CIB2: variants seen among roughly 807,000 people sequenced by gnomAD.
CIB2 encodes the protein calcium and integrin-binding family member 2.
CIB2 carries 19 observed loss-of-function variants against 23.1 expected under a neutral mutation model. The ratio of observed to expected loss-of-function variants is 0.82; its 90% CI spans 0.57 to 1.21. The LOEUF is 1.21. CIB2 is among the 50% of genes most tolerant of loss of function. The pLI is 0.00. For missense variants in CIB2, 220 were observed against 241.5 expected (o/e 0.91, Z 0.59); for synonymous variants, 94 against 91.7 (o/e 1.03, Z -0.14).
At chr15:78,122,804 A>G (rs1233518495) in intron 2 of CIB2, among the ~76,000 whole-genome samples, 1 of 152,198 alleles carries the variant, frequency 6.6e-6, no homozygotes, top group African/African-American at 2.4e-5. Context: ...GACAGGTTGG[A>G]ATAGCAGCCT....
At chr15:78,114,413 C>G (rs2074208158) in intron 2 of CIB2, among the ~76,000 whole-genome samples, 1 of 152,132 alleles carries the variant, frequency 6.6e-6, no homozygotes, top group Admixed American at 6.5e-5. Flanking sequence ...ACCTCTCCCC[C>G]AATAAAGGGC....
intron 2 of CIB2, among the ~76,000 whole-genome samples, chr15:78,118,308 T>C (rs2074268488): frequency 6.6e-6 from 1 of 152,126 alleles, no homozygotes; most frequent in Non-Finnish European, 1.5e-5. Context: ...AAAATTGTGA[T>C]AAATGGCTGG....
chr15:78,131,112 AGGGGCGGC>A lies in CIB2; in HGVS notation c.51+45_51+52del, dbSNP rs1370128644. Reference sequence around the variant, plus strand: ...CCTCGGCCAGCGACCGAGAAAAGGGAGGGGCGGCGGGGCGGCGGGGCCTGTGTTGGGGG... The same window carrying A: ...CCTCGGCCAGCGACCGAGAAAAGGGAGGGGCGGCGGGGCCTGTGTTGGGGG... On this transcript the variant is annotated intron_variant, in intron 1 of 5. Transcript: ENST00000258930. This position sits in a 1 kb window ranked among gnomAD's most constrained non-coding sequence, Gnocchi z 5.8. The A allele has an allele frequency of 1.5e-5, 21 of 1,384,012 alleles. No homozygotes were observed. Among genetic ancestry groups the A allele is most frequent in the African/African-American group, 7.6e-5 (5 of 65,744 alleles). 85.7% of individuals were successfully genotyped at this position (1,384,012 alleles called of 1,614,324 possible).
intron 2 of CIB2, among the ~76,000 whole-genome samples, chr15:78,112,741 C>T (rs1448644045): frequency 6.6e-6 from 1 of 152,174 alleles, no homozygotes; most frequent in African/African-American, 2.4e-5. Flanking sequence ...CCCCCAAAGC[C>T]AGATCAGCCC....
At chr15:78,121,244 T>A (rs1173711414) in intron 2 of CIB2, among the ~76,000 whole-genome samples, 1 of 152,132 alleles carries the variant, frequency 6.6e-6, no homozygotes, top group Non-Finnish European at 1.5e-5. Flanking sequence ...CAGGGGCCTG[T>A]GAGAAAACAG....
Position 78,105,173 on chromosome 15 carries a change from C to T in CIB2, c.*138G>A. The T allele has an allele frequency of 1.3e-5, 15 of 1,177,656 alleles. No individual in the cohort carries two copies. The highest frequency in any genetic ancestry group is 2.2e-4 in the Middle Eastern group (1 of 4,498). 73.0% of individuals were successfully genotyped at this position (1,177,656 alleles called of 1,614,324 possible). A position where few individuals can be genotyped will look rare whatever the true frequency, so the allele number is the denominator to read the frequency against. On this transcript the variant is annotated 3_prime_UTR_variant, in exon 6 of 6. Coordinates refer to ENST00000258930, the MANE Select transcript of CIB2 (RefSeq NM_006383.4). ...CTTCCTGGTTAAGGTTTTTTTTTTG[C>T]TGAAAGGGCCACAGGATATATTTGT...
In CIB2 at chr15:78,128,458, C is replaced by A. The variant is rs1250254129; in HGVS notation, c.51+2707G>T. ...CTGGGAGGCCAAGGCAGGTGGATCA[C>A]CTGAGGTCAGGAGTTTGAGACCAGC... On this transcript the variant is annotated intron_variant, in intron 1 of 5. Transcript: ENST00000258930. Among the ~76,000 whole-genome samples the A allele has an allele frequency of 2.0e-5, 3 of 152,296 alleles. No homozygotes were observed. The East Asian group carries it at 5.8e-4, about 29-fold the overall frequency.
rs138335411 is a variant in CIB2, at chr15:78,106,144, A to C, written c.347-210T>G. 5.2e-3 allele frequency among the ~76,000 whole-genome samples: 799 copies of C among 152,284 alleles called. 7 individuals carry two copies. The highest frequency in any genetic ancestry group is 0.027 in the South Asian group (131 of 4,820). ...GCTTAAACACCCACATCCACCACCA[A>C]CAACAACCCCACAATGACTAAACCA... On this transcript the variant is annotated intron_variant, in intron 4 of 5. Transcript: ENST00000258930.
At position 78,105,198 on chromosome 15, in the gene CIB2, TG is replaced by T; in HGVS notation, c.*112del. The T allele has an allele frequency of 7.1e-7, 1 of 1,402,148 alleles. No individual in the cohort carries two copies. The highest frequency in any genetic ancestry group is 9.9e-7 in the Non-Finnish European group (1 of 1,006,688). The allele number at this position is 1,402,148 out of a possible 1,614,324, so 86.9% of individuals were successfully genotyped here. A position where few individuals can be genotyped will look rare whatever the true frequency, so the allele number is the denominator to read the frequency against. ...CTGAAAGGGCCACAGGATATATTTG[TG>T]GTGTAAACCCCAGAGGCTGCCACTG... On this transcript the variant is annotated 3_prime_UTR_variant, in exon 6 of 6. Coordinates refer to ENST00000258930, the MANE Select transcript of CIB2 (RefSeq NM_006383.4).
intron 2 of CIB2, among the ~76,000 whole-genome samples, chr15:78,117,700 TG>T (rs1311637206): frequency 1.3e-5 from 2 of 152,238 alleles, no homozygotes; most frequent in Non-Finnish European, 2.9e-5. Context: ...AACAACTAGC[TG>T]GGGCTAAGGA....
intron 1 of CIB2, among the ~76,000 whole-genome samples, chr15:78,129,714 T>C (rs1174896111): frequency 6.6e-6 from 1 of 151,898 alleles, no homozygotes; most frequent in Non-Finnish European, 1.5e-5. Context: ...CTGAGTGCCT[T>C]GGGAACAAAA....
intron 4 of CIB2, among the ~76,000 whole-genome samples, chr15:78,107,564 G>T (rs954708040): frequency 6.6e-6 from 1 of 152,156 alleles, no homozygotes; most frequent in Non-Finnish European, 1.5e-5. Context: ...GGAGGGCCCT[G>T]GCTGCCTCTC....
intron 2 of CIB2, among the ~76,000 whole-genome samples, chr15:78,119,391 G>T (rs114351949): frequency 1.3e-3 from 205 of 152,254 alleles, no homozygotes; most frequent in African/African-American, 4.6e-3. Context: ...ATGATTGTGG[G>T]TGTACAAACA....
At chr15:78,123,841 T>C in intron 1 of CIB2, 102 bp from the exon 2 acceptor site, 1 of 1,339,288 alleles carries the variant, frequency 7.5e-7, no homozygotes. Context: ...AGCTCCGGAC[T>C]GGGGACAGAA....
chr15:78,105,905 C>T lies in CIB2; in HGVS notation c.376G>A (p.Glu126Lys), dbSNP rs1180172581. 1.2e-6 allele frequency: 2 copies of T among 1,614,204 alleles called. No individual in the cohort carries two copies. Among genetic ancestry groups the T allele is most frequent in the African/African-American group, 1.3e-5 (1 of 75,058 alleles). ...CGGGCCAGCGTCAGCTCCAGGTCCT[C>T]CTTGCAGATGAAGTTGTCAGTGTTG... ...DFNTDNFICK[E>K]DLELTLARLT... is the part of the protein sequence containing the mutation. Residue 126 changes from glutamate to lysine, a missense_variant, in exon 5 of 6, where the codon GAG (glutamate) becomes AAG (lysine). By Grantham distance (56) the Glu-to-Lys change is moderately conservative. Coordinates refer to ENST00000258930, the MANE Select transcript of CIB2 (RefSeq NM_006383.4).
Position 78,126,141 on chromosome 15 carries a change from C to CT in CIB2, c.52-2403_52-2402insA, listed in dbSNP as rs1555427589. On this transcript the variant is annotated intron_variant, in intron 1 of 5. Coordinates refer to ENST00000258930, the MANE Select transcript of CIB2 (RefSeq NM_006383.4). ...GGCCTCTGTGCTTCCCTTTCCCCTG[C>CT]CCCCCCCCCTTTTTTTTTTGAGACG... Among the ~76,000 whole-genome samples, 7 of 88,388 alleles carry CT rather than the reference C, an allele frequency of 7.9e-5. No individual in the cohort carries two copies. In the East Asian group the frequency reaches 0.015, roughly 189 times the overall value. 58.0% of individuals were successfully genotyped at this position (88,388 alleles called of 152,430 possible). A position where few individuals can be genotyped will look rare whatever the true frequency, so the allele number is the denominator to read the frequency against.
Position 78,131,155 on chromosome 15 carries a change from C to T in CIB2, c.51+10G>A. 1 of 1,582,126 alleles carries T rather than the reference C, an allele frequency of 6.3e-7. No homozygotes were observed. On this transcript the variant is annotated intron_variant, in intron 1 of 5. Transcript: ENST00000258930. The surrounding 1 kb of genome is among the most constrained non-coding windows in gnomAD (Gnocchi z 5.8). ...GGGCCTGTGTTGGGGGCCGGGCGCG[C>T]CGAGCTCACCTGGTAGTTGTCTAGC...
At chr15:78,121,183 C>T (rs544612584) in intron 2 of CIB2, among the ~76,000 whole-genome samples, 11 of 152,304 alleles carry the variant, frequency 7.2e-5, no homozygotes, top group African/African-American at 2.2e-4. Context: ...CAGCAAACTC[C>T]AGGTAGCTCT....
intron 2 of CIB2, among the ~76,000 whole-genome samples, chr15:78,111,885 A>G (rs2074165575): frequency 1.3e-5 from 2 of 152,038 alleles, no homozygotes; most frequent in African/African-American, 4.8e-5. Flanking sequence ...CACCACCCCA[A>G]CTTAAGCCCT....
Sources: gnomAD v4.1 joint callset for allele counts (sites outside exome capture counted in the v4.1 genomes callset) on GRCh38, gnomAD v4.1.1 for gene constraint, Gnocchi (gnomAD v3.1) non-coding constraint, MANE v1.5 for transcripts, NCBI Gene and HGNC (gene_info 2026-07-23, HGNC 2026-07-21) for gene names.